The following KLF13 variants were observed in gnomAD, a reference collection of about 807,000 sequenced individuals.
The protein encoded by KLF13 is Krueppel-like factor 13.
KLF13 carries 8 observed loss-of-function variants against 16.7 expected under a neutral mutation model. That is an observed-to-expected ratio of 0.48 (90% CI 0.28 to 0.87). The LOEUF (loss-of-function observed/expected upper bound fraction) is 0.87. Ranked by LOEUF, KLF13 falls within the 40% of genes least tolerant of loss-of-function variation. The probability of loss-of-function intolerance (pLI) is 0.10; values close to 1 mark genes in which losing one functional copy is unlikely to be tolerated. For missense variants in KLF13, 447 were observed against 452.2 expected (o/e 0.99, Z 0.10); for synonymous variants, 245 against 208.4 (o/e 1.18, Z -1.51).
intron 1 of KLF13, among the ~76,000 whole-genome samples, chr15:31,357,180 A>T (rs1282086050): frequency 1.3e-5 from 2 of 152,158 alleles, no homozygotes; most frequent in African/African-American, 4.8e-5. Context: ...CTTTGCTTTC[A>T]AACTCAGGTT....
chr15:31,368,354 G>A (rs1213035807), intron 1 of KLF13, among the ~76,000 whole-genome samples: 1 of 152,124 alleles, frequency 6.6e-6, no homozygotes, highest in Non-Finnish European at 1.5e-5. Flanking sequence ...TGACTAGTGT[G>A]CGTTGTGAAT....
intron 1 of KLF13, among the ~76,000 whole-genome samples, chr15:31,383,231 G>A (rs1264376423): frequency 2.0e-5 from 3 of 152,202 alleles, no homozygotes; most frequent in African/African-American, 4.8e-5. Context: ...ACACACTCCA[G>A]TGGGTTTTCT....
downstream of KLF13, among the ~76,000 whole-genome samples, chr15:31,404,946 C>G (rs748480345): frequency 8.5e-5 from 13 of 152,190 alleles, no homozygotes; most frequent in Non-Finnish European, 1.5e-4. Context: ...GCTCTTTGCT[C>G]TAATCCCAGG....
chr15:31,347,263 G>A (rs191085674), intron 1 of KLF13, among the ~76,000 whole-genome samples: 2 of 152,304 alleles, frequency 1.3e-5, no homozygotes, highest in East Asian at 3.9e-4. Context: ...CAGCTTCTCT[G>A]CTGAGCCCCA....
intron 1 of KLF13, among the ~76,000 whole-genome samples, chr15:31,417,464 G>C (rs62037901): frequency 0.94 from 142,182 of 152,046 alleles, 66,633 homozygotes; most frequent in East Asian, 1. Context: ...CACTGCACTT[G>C]AGCCTGGGTG....
intron 2 of KLF13, among the ~76,000 whole-genome samples, chr15:31,398,761 T>C (rs1190704586): frequency 6.6e-6 from 1 of 151,186 alleles, no homozygotes; most frequent in Non-Finnish European, 1.5e-5. Context: ...GCAGGAAGAG[T>C]CAACCATGCA....
chr15:31,431,807 T>A (rs1266186626), intron 1 of KLF13, among the ~76,000 whole-genome samples: 1 of 152,200 alleles, frequency 6.6e-6, no homozygotes. Context: ...AGAAGCCAGA[T>A]CTCAAACCAT....
At chr15:31,380,819 G>A (rs2039714730), downstream of KLF13, among the ~76,000 whole-genome samples, 1 of 152,198 alleles carries the variant, frequency 6.6e-6, no homozygotes, top group Non-Finnish European at 1.5e-5. Flanking sequence ...GCATTCCAAT[G>A]GTACATAGGA....
rs2039622428 is a variant in KLF13 at position 31,375,107 on chromosome 15, G to C, written c.*2808G>C. On this transcript the variant is annotated 3_prime_UTR_variant, in exon 2 of 2. Coordinates refer to ENST00000307145, the MANE Select transcript of KLF13 (RefSeq NM_015995.4). Reference sequence around the variant, plus strand: ...GGGAAATGGGGGTAGGGCACCAGGAGAGAAATCCTCCTGGGTACTCCTGGC... The same window carrying C: ...GGGAAATGGGGGTAGGGCACCAGGACAGAAATCCTCCTGGGTACTCCTGGC... 1 of 152,554 alleles carries C rather than the reference G, an allele frequency of 6.6e-6. No homozygotes were observed. The highest frequency in any genetic ancestry group is 2.4e-5 in the African/African-American group (1 of 41,412). The allele number at this position is 152,554 out of a possible 1,614,324, so 9.5% of individuals were successfully genotyped here. A position where few individuals can be genotyped will look rare whatever the true frequency, so the allele number is the denominator to read the frequency against.
At position 31,327,086 on chromosome 15, in the gene KLF13, G is replaced by C; in HGVS notation, c.-127G>C. ...CACAGGCGGCTGCGCGCCCAGCCCA[G>C]CCCAGCCCAGCCCGAGGAGAGGGCG... On this transcript the variant is annotated 5_prime_UTR_variant, in exon 1 of 2. Coordinates refer to ENST00000307145, the MANE Select transcript of KLF13 (RefSeq NM_015995.4). 95 of 609,072 alleles carry C rather than the reference G, an allele frequency of 1.6e-4. No individual in the cohort carries two copies. The highest frequency in any genetic ancestry group is 1.5e-4 in the Non-Finnish European group (70 of 467,552). The allele number at this position is 609,072 out of a possible 1,614,324, so 37.7% of individuals were successfully genotyped here. A position where few individuals can be genotyped will look rare whatever the true frequency, so the allele number is the denominator to read the frequency against.
chr15:31,359,261 T>C (rs2039345800), intron 1 of KLF13, among the ~76,000 whole-genome samples: 1 of 152,230 alleles, frequency 6.6e-6, no homozygotes, highest in Non-Finnish European at 1.5e-5. Context: ...GGCCTTCTGT[T>C]GGCAGAAACC....
chr15:31,393,018 C>T (rs2039896372), exon 1 of KLF13: 1 of 152,552 alleles, frequency 6.6e-6, no homozygotes, highest in Non-Finnish European at 1.5e-5. Context: ...GCTCCAGCCC[C>T]ACCATACCCG....
Position 31,400,610 on chromosome 15 carries a change from G to A in KLF13, n.530-2818G>A, listed in dbSNP as rs569233210. On this transcript the variant is annotated intron_variant and non_coding_transcript_variant, in intron 2 of 2. Coordinates refer to the KLF13 transcript ENST00000500533. ...GTCAGAGCTGGGGGTGAGGTGCCCT[G>A]CAGGGAAATGGGGAGCCTTGGGGCT... Among the ~76,000 whole-genome samples the A allele has an allele frequency of 3.3e-5, 5 of 152,238 alleles. No individual in the cohort carries two copies. The East Asian group carries it at 9.7e-4, about 29-fold the overall frequency.
At chr15:31,337,907 T>C (rs938966979) in intron 1 of KLF13, among the ~76,000 whole-genome samples, 7 of 152,192 alleles carry the variant, frequency 4.6e-5, no homozygotes, top group Non-Finnish European at 7.3e-5. Context: ...AGGTTGAAAT[T>C]AGTTTTAGCA....
intron 1 of KLF13, among the ~76,000 whole-genome samples, chr15:31,329,355 G>A (rs1047214645): frequency 2.0e-5 from 3 of 152,100 alleles, no homozygotes; most frequent in African/African-American, 7.2e-5. Flanking sequence ...GGGCGTGGCT[G>A]GGGTTGAGAT....
At chr15:31,393,946 CCTTTGCCCTTG>C (rs2039914518) in intron 2 of KLF13, among the ~76,000 whole-genome samples, 1 of 152,116 alleles carries the variant, frequency 6.6e-6, no homozygotes, top group East Asian at 1.9e-4. Context: ...GCCTGGACTG[CCTTTGCCCTTG>C]CATCTCAGGG....
chr15:31,385,309 CA>C (rs915414243), intron 1 of KLF13, among the ~76,000 whole-genome samples: 4 of 152,186 alleles, frequency 2.6e-5, no homozygotes, highest in Non-Finnish European at 1.5e-5. Context: ...AGGTTAATCC[CA>C]AAGTCAGGAC....
intron 1 of KLF13, among the ~76,000 whole-genome samples, chr15:31,330,766 A>G (rs2038815328): frequency 6.6e-6 from 1 of 152,272 alleles, no homozygotes; most frequent in Non-Finnish European, 1.5e-5. Context: ...ATATTATAAC[A>G]ATGCGTAATA....
At chr15:31,380,241 G>A (rs942222974), downstream of KLF13, among the ~76,000 whole-genome samples, 36 of 152,100 alleles carry the variant, frequency 2.4e-4, no homozygotes, top group African/African-American at 8.7e-4. Flanking sequence ...GCAGTGAGCC[G>A]AGATCACGCA....
Sources: gnomAD v4.1 joint callset for allele counts (sites outside exome capture counted in the v4.1 genomes callset) on GRCh38, gnomAD v4.1.1 for gene constraint, MANE v1.5 for transcripts, NCBI Gene and HGNC (gene_info 2026-07-23, HGNC 2026-07-21) for gene names.